The following FGD3 variants were observed in gnomAD, a reference collection of about 807,000 sequenced individuals.
FGD3 encodes FYVE, RhoGEF and PH domain containing 3.
A neutral mutation model predicts 71.8 loss-of-function variants in FGD3; 45 were observed. That is an observed-to-expected ratio of 0.63 (90% CI 0.49 to 0.80). The LOEUF is 0.80. FGD3 is among the 30% of genes least tolerant of loss of function. The probability of loss-of-function intolerance (pLI) is 0.00; values close to 1 mark genes in which losing one functional copy is unlikely to be tolerated. For synonymous variants in FGD3, 378 were observed against 392.8 expected (o/e 0.96, Z 0.44); for missense variants, 844 against 951.5 (o/e 0.89, Z 1.49).
At position 93,013,935 on chromosome 9, in the gene FGD3, G is replaced by A. The variant is rs775475425; in HGVS notation, c.1119G>A (p.Lys373=). ...DIVNPANELI[K]EGQIQKLSAK... is the part of the protein sequence containing the mutation. ...TCAACCCGGCCAATGAACTGATCAA[G>A]GAGGGCCAAATCCAGAAACTGTCAG... Residue 373 remains lysine, a synonymous_variant, in exon 9 of 18, where the codon AAG becomes AAA. Coordinates refer to ENST00000375482, the MANE Select transcript of FGD3 (RefSeq NM_001083536.2). The A allele has an allele frequency of 2.5e-6, 4 of 1,612,318 alleles. No individual in the cohort carries two copies. Among genetic ancestry groups the A allele is most frequent in the Non-Finnish European group, 3.4e-6 (4 of 1,179,352 alleles).
chr9:92,960,311 C>T (rs1265163258), intron 1 of FGD3, among the ~76,000 whole-genome samples: 2 of 152,066 alleles, frequency 1.3e-5, no homozygotes, highest in Non-Finnish European at 2.9e-5. Flanking sequence ...TCCCTCGTGT[C>T]CCCAAGTCCC....
rs1409860455 is a variant in FGD3 at position 93,020,208 on chromosome 9, T to G, written c.1387-109T>G. The stretch of plus-strand genomic sequence containing the variant: ...AGATGGCCAGTGGCCTGGGCATTGT[T>G]CTGGGAACGCCAAGGCCCGTCCTCG... On this transcript the variant is annotated intron_variant, in intron 12 of 17. Transcript: ENST00000375482. The G allele has an allele frequency of 3.0e-6, 3 of 1,006,202 alleles. No individual in the cohort carries two copies. In the East Asian group the frequency reaches 7.7e-5, roughly 26 times the overall value. The allele number at this position is 1,006,202 out of a possible 1,614,324, so 62.3% of individuals were successfully genotyped here.
At chr9:92,962,904 C>G (rs1859196858) in intron 1 of FGD3, among the ~76,000 whole-genome samples, 1 of 147,398 alleles carries the variant, frequency 6.8e-6, no homozygotes, top group South Asian at 2.1e-4. Context: ...TGCGCCACTG[C>G]ACTCCAGCCT....
intron 11 of FGD3, among the ~76,000 whole-genome samples, chr9:93,019,500 C>T (rs1002559597): frequency 6.6e-6 from 1 of 152,240 alleles, no homozygotes; most frequent in African/African-American, 2.4e-5. Context: ...GCTGTTGTCA[C>T]ACTACCCTTT....
chr9:92,983,674 G>A (rs1372364111), intron 3 of FGD3, among the ~76,000 whole-genome samples: 1 of 152,164 alleles, frequency 6.6e-6, no homozygotes, highest in East Asian at 1.9e-4. Context: ...ACTCTGTTGT[G>A]CTTTTATTCC....
chr9:93,013,980 G>A lies in FGD3; in HGVS notation c.1164G>A (p.Gln388=), dbSNP rs202214207. 1 of 1,608,690 alleles carries A rather than the reference G, an allele frequency of 6.2e-7. No homozygotes were observed. The highest frequency in any genetic ancestry group is 8.5e-7 in the Non-Finnish European group (1 of 1,177,712). ...QKLSAKNGTP[Q]DRHLFLFNSM... ...TGTCAGCCAAGAACGGCACCCCCCA[G>A]GACCGCCACCTCTTCCTGGTGAGCC... The change falls in exon 9 of 18, where the codon CAG becomes CAA. Residue 388 remains glutamine (Q), a synonymous_variant. Transcript: ENST00000375482.
At chr9:92,976,106 G>A (rs1564146470) in intron 2 of FGD3, 102 bp from the exon 3 acceptor site, 1 of 675,218 alleles carries the variant, frequency 1.5e-6, no homozygotes, top group East Asian at 2.8e-5. Flanking sequence ...GCTTTCGGTG[G>A]GGGGCGGAGG....
Position 93,010,380 on chromosome 9 carries a change from G to A in FGD3, c.972G>A (p.Ala324=), listed in dbSNP as rs758174304. ...LPQDAPDRKD[A]ERSLELISTA... ...AGGACGCCCCAGACCGGAAGGATGC[G>A]GAGAGTGAGCTGGGGCCAAGGGCTC... Residue 324 remains alanine, a synonymous_variant, in exon 7 of 18, where the codon GCG becomes GCA. Transcript: ENST00000375482. 24 of 1,607,586 alleles carry A rather than the reference G, an allele frequency of 1.5e-5. No homozygotes were observed. The highest frequency in any genetic ancestry group is 1.7e-4 in the Middle Eastern group (1 of 6,020).
intron 3 of FGD3, among the ~76,000 whole-genome samples, chr9:93,000,585 T>G (rs1352894710): frequency 1.3e-5 from 2 of 152,206 alleles, no homozygotes; most frequent in East Asian, 3.8e-4. Context: ...TTTTTTTTCT[T>G]TCAGCACTTT....
At chr9:92,964,938 G>A (rs1859259148) in intron 1 of FGD3, among the ~76,000 whole-genome samples, 1 of 152,228 alleles carries the variant, frequency 6.6e-6, no homozygotes. Context: ...TCTGCACTCT[G>A]CAGGTTAGAT....
chr9:92,963,181 G>A (rs751224437), intron 1 of FGD3, among the ~76,000 whole-genome samples: 1 of 152,172 alleles, frequency 6.6e-6, no homozygotes, highest in African/African-American at 2.4e-5. Context: ...TTGTCAGACG[G>A]GGATAACCAT....
intron 3 of FGD3, among the ~76,000 whole-genome samples, chr9:92,997,964 A>T (rs990330488): frequency 8.5e-5 from 13 of 152,234 alleles, no homozygotes; most frequent in Middle Eastern, 3.4e-3. Context: ...TGCTCTTCTC[A>T]AGGAGTATCT....
chr9:92,992,749 G>A (rs1860465177), intron 3 of FGD3, among the ~76,000 whole-genome samples: 1 of 152,158 alleles, frequency 6.6e-6, no homozygotes, highest in Non-Finnish European at 1.5e-5. Context: ...ATGGTGCCAT[G>A]CCACAGCAGC....
intron 17 of FGD3, 41 bp from the exon 18 acceptor site, chr9:93,035,297 G>A: frequency 6.3e-7 from 1 of 1,587,204 alleles, no homozygotes; most frequent in Non-Finnish European, 8.6e-7. Flanking sequence ...CCCGAGGCCG[G>A]GAAGCTGTGG....
intron 8 of FGD3, among the ~76,000 whole-genome samples, chr9:93,012,192 G>A (rs1861433900): frequency 1.3e-5 from 2 of 151,636 alleles, no homozygotes; most frequent in South Asian, 2.1e-4. Context: ...AAACCAGGGG[G>A]AAAAAAAGGA....
At chr9:93,011,337 T>G (rs1426038433) in intron 8 of FGD3, 65 bp downstream of exon 8, 1 of 1,581,150 alleles carries the variant, frequency 6.3e-7, no homozygotes, top group Non-Finnish European at 8.7e-7. Flanking sequence ...CAGGGGCCCT[T>G]GTGGGCCAGC....
intron 16 of FGD3, 66 bp from the exon 17 acceptor site, chr9:93,034,475 C>T: frequency 6.6e-7 from 1 of 1,511,176 alleles, no homozygotes; most frequent in Non-Finnish European, 8.9e-7. Context: ...CCTACCCCAG[C>T]CTCCTCAGAA....
At chr9:92,975,853 C>T (rs985136472) in intron 2 of FGD3, among the ~76,000 whole-genome samples, 6 of 152,074 alleles carry the variant, frequency 3.9e-5, no homozygotes, top group East Asian at 1.9e-4. Flanking sequence ...ACCACGGATG[C>T]GCTATAAACA....
intron 5 of FGD3, among the ~76,000 whole-genome samples, chr9:93,005,623 T>A (rs1314439236): frequency 1.3e-5 from 2 of 152,252 alleles, no homozygotes; most frequent in East Asian, 3.8e-4. Flanking sequence ...AGAGCTACTT[T>A]CCCCAGGACT....
Sources: allele counts gnomAD v4.1 joint callset (sites outside exome capture counted in the v4.1 genomes callset), GRCh38; gene constraint gnomAD v4.1.1; transcripts MANE v1.5; gene names NCBI Gene and HGNC (gene_info 2026-07-23, HGNC 2026-07-21).